Variants in ZNF710 observed in about 807,000 individuals in gnomAD.
ZNF710 encodes the protein zinc finger protein 710.
ZNF710 carries 13 observed loss-of-function variants against 50.6 expected under a neutral mutation model. The observed-to-expected ratio is 0.26, with a 90% confidence interval of 0.17 to 0.41. The LOEUF is 0.41. Among genes scored for constraint, ZNF710 ranks in the 10% least tolerant of loss-of-function variants. The pLI is 1.00. For missense variants in ZNF710, 721 were observed against 936.6 expected, an observed-to-expected ratio of 0.77 and a Z score of 3.01; for synonymous variants, 383 against 397.0, an observed-to-expected ratio of 0.96 and a Z score of 0.42.
intron 1 of ZNF710, among the ~76,000 whole-genome samples, chr15:90,006,041 C>T (rs1429255806): frequency 6.6e-6 from 1 of 152,008 alleles, no homozygotes; most frequent in Non-Finnish European, 1.5e-5. Flanking sequence ...CTTTGGGGTT[C>T]CTTGGAAGGA....
At chr15:89,999,592 T>G (rs572700467), upstream of ZNF710, among the ~76,000 whole-genome samples, 1 of 152,298 alleles carries the variant, frequency 6.6e-6, no homozygotes, top group African/African-American at 2.4e-5. Context: ...TACTGTTTCC[T>G]CACTCCTCGT....
intron 1 of ZNF710, among the ~76,000 whole-genome samples, chr15:90,012,757 A>G (rs1898348113): frequency 6.6e-6 from 1 of 152,108 alleles, no homozygotes; most frequent in African/African-American, 2.4e-5. Flanking sequence ...TAGATTTAAT[A>G]TATCTAATGT....
intron 2 of ZNF710, 28 bp from the exon 3 acceptor site, chr15:90,073,043 G>A: frequency 1.2e-6 from 2 of 1,605,000 alleles, no homozygotes; most frequent in Non-Finnish European, 1.7e-6. Context: ...CCATTGTGTG[G>A]CCCTGACCAT....
chr15:90,026,563 C>A (rs866705589), intron 1 of ZNF710, among the ~76,000 whole-genome samples: 1 of 152,046 alleles, frequency 6.6e-6, no homozygotes, highest in Non-Finnish European at 1.5e-5. Flanking sequence ...ATGGAGAGCT[C>A]TCCAGTTCAT....
At chr15:90,026,281 A>AAG (rs1330402878) in intron 1 of ZNF710, among the ~76,000 whole-genome samples, 1 of 149,778 alleles carries the variant, frequency 6.7e-6, no homozygotes, top group Non-Finnish European at 1.5e-5. Context: ...AAAAAAAAAA[A>AAG]GGGAATGAGA....
intron 1 of ZNF710, among the ~76,000 whole-genome samples, chr15:90,042,454 A>T (rs1899326754): frequency 6.6e-6 from 1 of 151,698 alleles, no homozygotes; most frequent in Non-Finnish European, 1.5e-5. Context: ...AGCTCCACAC[A>T]GACTGAGCGC....
At chr15:90,064,672 G>A (rs141792688) in intron 1 of ZNF710, among the ~76,000 whole-genome samples, 2 of 152,094 alleles carry the variant, frequency 1.3e-5, no homozygotes. Flanking sequence ...ATTTTTAGTA[G>A]AGATGAGGTT....
intron 2 of ZNF710, among the ~76,000 whole-genome samples, chr15:90,071,197 G>C (rs1309334928): frequency 6.6e-6 from 1 of 151,638 alleles, no homozygotes; most frequent in East Asian, 1.9e-4. Flanking sequence ...GGAGGCAGAG[G>C]TTGCAGTGAG....
rs1353933206 is a variant in ZNF710 at position 90,040,132 on chromosome 15, C to T, written c.-28-26978C>T. ...GGGCACTTTGTGCATGGTGGCCATA[C>T]TGCTGGATGACCATGCCAGCTTGGG... On this transcript the variant is annotated intron_variant, in intron 1 of 4. Transcript: ENST00000268154. This position sits in a 1 kb window ranked among gnomAD's most constrained non-coding sequence, Gnocchi z 4.6. Among the ~76,000 whole-genome samples, 1 of 152,264 alleles carries T rather than the reference C, an allele frequency of 6.6e-6. No individual in the cohort carries two copies.
chr15:90,071,654 T>A (rs970966447), intron 2 of ZNF710, among the ~76,000 whole-genome samples: 10 of 151,262 alleles, frequency 6.6e-5, no homozygotes, highest in African/African-American at 2.4e-4. Context: ...TTAAAAAAAA[T>A]TTCTTTTATT....
Position 90,067,828 on chromosome 15 carries a change from G to A in ZNF710, c.691G>A (p.Ala231Thr). The stretch of plus-strand genomic sequence containing the variant: ...CCTGGCCCCCCTGAGTGACCCCGAG[G>A]CCCCCAGCATGGAGTCCCCGGAGCC... The part of the protein sequence containing the change: ...PHLAPLSDPE[A>T]PSMESPEPVK... Residue 231 changes from alanine to threonine, a missense_variant, in exon 2 of 5, where the codon GCC becomes ACC. Ala to Thr is a moderately conservative substitution (Grantham distance 58). This residue lies in a region of ZNF710 where 326 missense variants were observed against 347.1 expected (regional missense o/e 0.94). Transcript: ENST00000268154. This position sits in a 1 kb window ranked among gnomAD's most constrained non-coding sequence, Gnocchi z 8.1. The A allele has an allele frequency of 1.3e-6, 2 of 1,588,328 alleles. No individual in the cohort carries two copies. Among genetic ancestry groups the A allele is most frequent in the Non-Finnish European group, 8.6e-7 (1 of 1,165,908 alleles).
chr15:90,062,160 A>C lies in ZNF710; in HGVS notation c.-28-4950A>C, dbSNP rs1596050574. Among the ~76,000 whole-genome samples the C allele has an allele frequency of 2.7e-5, 2 of 75,388 alleles. No individual in the cohort carries two copies. Among genetic ancestry groups the C allele is most frequent in the African/African-American group, 5.4e-5 (1 of 18,364 alleles). The allele number at this position is 75,388 out of a possible 152,430, so 49.5% of individuals were successfully genotyped here. ...GCCTCATTCTCTCTCCCTCCCCCTC[A>C]CTCAGGCTCCTCCTCTGCCCCCCCT... is the stretch of plus-strand genomic sequence containing the variant. On this transcript the variant is annotated intron_variant, in intron 1 of 4. Coordinates refer to ENST00000268154, the MANE Select transcript of ZNF710 (RefSeq NM_198526.4). The surrounding 1 kb of genome is among the most constrained non-coding windows in gnomAD (Gnocchi z 5.6).
intron 1 of ZNF710, among the ~76,000 whole-genome samples, chr15:90,055,998 T>C (rs1290584442): frequency 2.0e-5 from 3 of 150,368 alleles, no homozygotes; most frequent in Non-Finnish European, 2.9e-5. Context: ...ACACCTGTAA[T>C]CCTAGCTATC....
intron 2 of ZNF710, among the ~76,000 whole-genome samples, chr15:90,071,463 G>C (rs775748203): frequency 1.8e-4 from 27 of 151,850 alleles, no homozygotes; most frequent in Non-Finnish European, 3.4e-4. Context: ...GTGTCAGGAG[G>C]GGGTATACAG....
chr15:90,042,587 G>GA (rs1437957134), intron 1 of ZNF710, among the ~76,000 whole-genome samples: 1 of 152,166 alleles, frequency 6.6e-6, no homozygotes, highest in Non-Finnish European at 1.5e-5. Context: ...TGATCAGAAG[G>GA]AAAAAGGAGC....
At position 90,073,989 on chromosome 15, in the gene ZNF710, CAAAAAAAAAACAA is replaced by C. The variant is rs1423171446; in HGVS notation, c.1651-111_1651-99del. ...TGGACAACAGAGTGAGAGTCTGTCT[CAAAAAAAAAACAA>C]AAAAAAAAAACAAAAGAATAGGATT... On this transcript the variant is annotated intron_variant, in intron 3 of 4. Coordinates refer to ENST00000268154, the MANE Select transcript of ZNF710 (RefSeq NM_198526.4). 1.5e-4 allele frequency: 105 copies of C among 704,554 alleles called. 2 individuals are homozygous for C. Among genetic ancestry groups the C allele is most frequent in the East Asian group, 2.4e-4 (5 of 20,512 alleles). 43.6% of individuals were successfully genotyped at this position (704,554 alleles called of 1,614,324 possible).
chr15:90,041,138 G>T (rs952762812), intron 1 of ZNF710, among the ~76,000 whole-genome samples: 27 of 147,868 alleles, frequency 1.8e-4, no homozygotes, highest in African/African-American at 5.9e-4. Context: ...GATCAATTCT[G>T]TTTTTTTTTT....
intron 3 of ZNF710, 105 bp downstream of exon 3, chr15:90,073,367 G>T (rs373497475): frequency 7.4e-7 from 1 of 1,355,754 alleles, no homozygotes; most frequent in African/African-American, 1.4e-5. Flanking sequence ...GGCCAGTGCG[G>T]GCAAGAGGAG....
intron 1 of ZNF710, among the ~76,000 whole-genome samples, chr15:90,042,113 G>A (rs1327380245): frequency 1.3e-5 from 2 of 151,754 alleles, no homozygotes; most frequent in Non-Finnish European, 2.9e-5. Flanking sequence ...GGCCAGGCTG[G>A]CTTGAACTCC....
Sources: allele counts gnomAD v4.1 joint callset (sites outside exome capture counted in the v4.1 genomes callset), GRCh38; gene constraint gnomAD v4.1.1; regional missense constraint gnomAD v4.1.1; non-coding constraint Gnocchi (gnomAD v3.1); transcripts MANE v1.5; gene names NCBI Gene and HGNC (gene_info 2026-07-23, HGNC 2026-07-21).